The following ADA variants were observed in gnomAD, a reference collection of about 807,000 sequenced individuals.
ADA encodes adenosine deaminase.
In ADA, 45 loss-of-function variants were observed where a neutral mutation model predicts 49.0. The observed-to-expected ratio is 0.92, with a 90% CI of 0.72 to 1.18. The LOEUF (loss-of-function observed/expected upper bound fraction) is 1.18. ADA is among the 50% of genes most tolerant of loss of function. The pLI is 0.00. For missense variants in ADA, 445 were observed against 472.5 expected (o/e 0.94, Z 0.54); for synonymous variants, 173 against 184.2 (o/e 0.94, Z 0.49).
At chr20:44,639,744 A>T (rs760916894) in intron 1 of ADA, among the ~76,000 whole-genome samples, 12 of 152,124 alleles carry the variant, frequency 7.9e-5, no homozygotes, top group Non-Finnish European at 8.8e-5. Context: ...ATCCAAAGGT[A>T]AGTGGAAGAA....
chr20:44,651,145 A>ACGCTGG (rs2065641512), intron 1 of ADA, among the ~76,000 whole-genome samples: 1 of 151,900 alleles, frequency 6.6e-6, no homozygotes, highest in Non-Finnish European at 1.5e-5. Flanking sequence ...CACCACCATA[A>ACGCTGG]CGCTGGCGTA....
At chr20:44,636,455 T>C (rs1415528926) in intron 1 of ADA, among the ~76,000 whole-genome samples, 167 bp from the exon 2 acceptor site, 2 of 152,232 alleles carry the variant, frequency 1.3e-5, no homozygotes, top group East Asian at 3.8e-4. Flanking sequence ...AACTCTGTAC[T>C]GCACTATCTC....
Position 44,619,566 on chromosome 20 carries a change from CAGTACA to C in ADA, c.*262_*267del. 1 of 473,602 alleles carries C rather than the reference CAGTACA, an allele frequency of 2.1e-6. No individual in the cohort carries two copies. Among genetic ancestry groups the C allele is most frequent in the Non-Finnish European group, 3.9e-6 (1 of 258,212 alleles). 29.3% of individuals were successfully genotyped at this position (473,602 alleles called of 1,614,324 possible). ...GCTTCTTTATTGAGCACCAGATTTT[CAGTACA>C]AGTTGCCACAGAAGGAGGGTTTCAG... On this transcript the variant is annotated 3_prime_UTR_variant, in exon 12 of 12. Coordinates refer to ENST00000372874, the MANE Select transcript of ADA (RefSeq NM_000022.4).
intron 1 of ADA, among the ~76,000 whole-genome samples, chr20:44,651,302 AG>A (rs1164189061): frequency 3.3e-5 from 5 of 152,296 alleles, no homozygotes; most frequent in African/African-American, 1.2e-4. Flanking sequence ...CAGCGGTGCT[AG>A]GATGCCCACT....
intron 2 of ADA, among the ~76,000 whole-genome samples, chr20:44,634,946 T>C (rs997040473): frequency 6.6e-6 from 1 of 152,226 alleles, no homozygotes; most frequent in African/African-American, 2.4e-5. Flanking sequence ...AAATGAGTGT[T>C]GTGCAAACAT....
chr20:44,638,686 T>C (rs902072845), intron 1 of ADA, among the ~76,000 whole-genome samples: 1 of 152,194 alleles, frequency 6.6e-6, no homozygotes, highest in Admixed American at 6.5e-5. Flanking sequence ...CTGGGGCTTG[T>C]ACAGGCCCCA....
Position 44,619,811 on chromosome 20 carries a change from GA to G in ADA, c.*22del. 2 of 1,614,196 alleles carry G rather than the reference GA, an allele frequency of 1.2e-6. No individual in the cohort carries two copies. The highest frequency in any genetic ancestry group is 1.7e-6 in the Non-Finnish European group (2 of 1,180,026). On this transcript the variant is annotated 3_prime_UTR_variant, in exon 12 of 12. Coordinates refer to ENST00000372874, the MANE Select transcript of ADA (RefSeq NM_000022.4). ...CAGAGTTGGGGTGACTCCACAGGGT[GA>G]AGGCTTGGAGGAGTGGCGTCTTCAG...
rs748035221 is a variant in ADA at position 44,626,456 on chromosome 20, T to A, written c.362A>T (p.Glu121Val). 5.6e-6 allele frequency: 9 copies of A among 1,613,736 alleles called. No homozygotes were observed. Among genetic ancestry groups the A allele is most frequent in the Non-Finnish European group, 7.6e-6 (9 of 1,180,008 alleles). ...GGCCCCTTCCAGGCCCATCACTCACTCAGCCTGGTTCCAGGGGATTGGCTC... is the reference window on the plus strand; with the variant it reads ...GGCCCCTTCCAGGCCCATCACTCACACAGCCTGGTTCCAGGGGATTGGCTC... ...KVEPIPWNQA[E>V]GDLTPDEVVA... The change falls in exon 4 of 12, where the codon GAA (glutamate) becomes GTA (valine). Residue 121 changes from glutamate (E) to valine (V), a missense_variant and splice_region_variant. Coordinates refer to ENST00000372874, the MANE Select transcript of ADA (RefSeq NM_000022.4).
At chr20:44,641,928 C>T (rs937253669) in intron 1 of ADA, among the ~76,000 whole-genome samples, 4 of 151,906 alleles carry the variant, frequency 2.6e-5, no homozygotes, top group African/African-American at 4.8e-5. Flanking sequence ...CCACCATGCC[C>T]GGCTAATTTT....
intron 2 of ADA, 133 bp from the exon 3 acceptor site, chr20:44,629,302 T>A: frequency 2.3e-6 from 3 of 1,331,380 alleles, no homozygotes; most frequent in Non-Finnish European, 3.1e-6. Flanking sequence ...CGTCTCTCAG[T>A]CCAGCTGCTC....
At position 44,636,102 on chromosome 20, in the gene ADA, G is replaced by A. The variant is rs557512036; in HGVS notation, c.95+125C>T. On this transcript the variant is annotated intron_variant, in intron 2 of 11. Transcript: ENST00000372874. Reference sequence around the variant, plus strand: ...CTCACAGTCCCACTTCTGGCCTGGAGCTGGCTTGATTCCCACAGGGAGACA... The same window carrying A: ...CTCACAGTCCCACTTCTGGCCTGGAACTGGCTTGATTCCCACAGGGAGACA... 54 of 924,174 alleles carry A rather than the reference G, an allele frequency of 5.8e-5. No individual in the cohort carries two copies. The Middle Eastern group carries it at 9.6e-4, about 16-fold the overall frequency. The allele number at this position is 924,174 out of a possible 1,614,324, so 57.2% of individuals were successfully genotyped here.
chr20:44,627,003 A>G (rs1029278950), intron 3 of ADA, among the ~76,000 whole-genome samples: 3 of 151,656 alleles, frequency 2.0e-5, no homozygotes, highest in African/African-American at 4.8e-5. Flanking sequence ...CAAGGCCTGC[A>G]TCCTCCAGGC....
At chr20:44,624,016 G>A in intron 6 of ADA, 186 bp downstream of exon 6, 1 of 792,382 alleles carries the variant, frequency 1.3e-6, no homozygotes, top group Non-Finnish European at 2.0e-6. Flanking sequence ...AAAGTGCTGG[G>A]ATCACAGGCA....
At chr20:44,621,651 A>T (rs1488009431) in intron 9 of ADA, among the ~76,000 whole-genome samples, 1 of 152,074 alleles carries the variant, frequency 6.6e-6, no homozygotes, top group African/African-American at 2.4e-5. Flanking sequence ...AGAATTTCAC[A>T]CTGTTGACTG....
intron 3 of ADA, among the ~76,000 whole-genome samples, chr20:44,628,618 G>A (rs188037508): frequency 8.2e-4 from 124 of 152,116 alleles, no homozygotes; most frequent in African/African-American, 2.7e-3. Flanking sequence ...GGGCCTTTTC[G>A]GTACCTAGTG....
At chr20:44,639,819 G>C (rs1050909880) in intron 1 of ADA, among the ~76,000 whole-genome samples, 5 of 152,160 alleles carry the variant, frequency 3.3e-5, no homozygotes, top group Non-Finnish European at 7.4e-5. Context: ...AGGTAGGAGT[G>C]TGGGTAAGCA....
intron 1 of ADA, among the ~76,000 whole-genome samples, chr20:44,647,263 C>G (rs2065600941): frequency 6.6e-6 from 1 of 151,636 alleles, no homozygotes; most frequent in African/African-American, 2.4e-5. Flanking sequence ...GGAGAAACCC[C>G]GTCTCTACTA....
At position 44,624,617 on chromosome 20, in the gene ADA, G is replaced by A. The variant is rs530821773; in HGVS notation, c.479-288C>T. Among the ~76,000 whole-genome samples the A allele has an allele frequency of 5.9e-5, 9 of 152,356 alleles. No individual in the cohort carries two copies. In the South Asian group the frequency reaches 1.4e-3, roughly 25 times the overall value. ...GTAAAGCACCAAGGACGGGGCCTGA[G>A]CTCAGTAAATGACACGGACCCTTCT... On this transcript the variant is annotated intron_variant, in intron 5 of 11. Transcript: ENST00000372874.
intron 1 of ADA, among the ~76,000 whole-genome samples, chr20:44,640,379 C>T (rs2065520567): frequency 6.6e-6 from 1 of 151,338 alleles, no homozygotes; most frequent in Admixed American, 6.6e-5. Context: ...GAGCCACTAG[C>T]ACTCCAGCCT....
Sources: allele counts gnomAD v4.1 joint callset (sites outside exome capture counted in the v4.1 genomes callset), GRCh38; gene constraint gnomAD v4.1.1; transcripts MANE v1.5; gene names NCBI Gene and HGNC (gene_info 2026-07-23, HGNC 2026-07-21).